The following UVSSA variants were observed in gnomAD, a reference collection of about 807,000 sequenced individuals.
UVSSA encodes UV stimulated scaffold protein A, also known as UV-stimulated scaffold protein A.
Under a neutral mutation model 73.9 loss-of-function variants are expected in UVSSA, and 72 were observed. The ratio of observed to expected loss-of-function variants is 0.97; its 90% CI spans 0.81 to 1.19. The LOEUF (loss-of-function observed/expected upper bound fraction) is 1.19, where lower values mean the gene tolerates loss of function less well. UVSSA is among the 50% of genes most tolerant of loss of function. The probability of loss-of-function intolerance (pLI) is 0.00; values close to 1 mark genes in which losing one functional copy is unlikely to be tolerated. For synonymous variants in UVSSA, 454 were observed against 391.3 expected (o/e 1.16, Z -1.89); for missense variants, 1,150 against 965.0 (o/e 1.19, Z -2.54).
intron 7 of UVSSA, among the ~76,000 whole-genome samples, chr4:1,356,016 C>T (rs1715684309): frequency 1.3e-5 from 2 of 152,158 alleles, no homozygotes; most frequent in Admixed American, 1.3e-4. Flanking sequence ...GCACCCAGCA[C>T]AGTCGGGCCT....
Position 1,353,332 on chromosome 4 carries a change from G to A in UVSSA, c.853G>A (p.Glu285Lys), listed in dbSNP as rs771449409. The change falls in exon 5 of 14, where the codon GAG (glutamate) becomes AAG (lysine). Residue 285 changes from glutamate to lysine, a missense_variant. Coordinates refer to ENST00000389851, the MANE Select transcript of UVSSA (RefSeq NM_020894.4). ...CACAGGTGACCCCTCAGATGAGGAC[G>A]AGGACAGCGACCTCGAGGAGTTTGT... ...TATGDPSDED[E>K]DSDLEEFVRS... is the part of the protein sequence containing the mutation. 1.4e-5 allele frequency: 22 copies of A among 1,611,450 alleles called. 1 individual carries two copies. In the East Asian group the frequency reaches 2.5e-4, roughly 18 times the overall value.
chr4:1,342,405 TTA>T (rs541428870), upstream of UVSSA, among the ~76,000 whole-genome samples: 147 of 152,362 alleles, frequency 9.6e-4, no homozygotes, highest in African/African-American at 3.4e-3. Flanking sequence ...TTAAATTGCA[TTA>T]TCTTACTGAT....
At chr4:1,376,583 G>A (rs1423563561) in intron 10 of UVSSA, among the ~76,000 whole-genome samples, 1 of 152,192 alleles carries the variant, frequency 6.6e-6, no homozygotes, top group Non-Finnish European at 1.5e-5. Context: ...ACCTCAGGCG[G>A]GGGCTCTGCA....
At chr4:1,371,029 T>C (rs923395961) in intron 8 of UVSSA, among the ~76,000 whole-genome samples, 1 of 152,200 alleles carries the variant, frequency 6.6e-6, no homozygotes, top group Non-Finnish European at 1.5e-5. Context: ...CTCCCAGCTC[T>C]TCTCTCCAAA....
At chr4:1,343,768 CAA>C (rs767344654), upstream of UVSSA, among the ~76,000 whole-genome samples, 9 of 151,954 alleles carry the variant, frequency 5.9e-5, no homozygotes, top group Non-Finnish European at 1.2e-4. Context: ...GCCTGGGTGA[CAA>C]GAGTGAAACT....
At chr4:1,360,474 G>A (rs369408578) in intron 7 of UVSSA, among the ~76,000 whole-genome samples, 5 of 152,184 alleles carry the variant, frequency 3.3e-5, no homozygotes, top group East Asian at 1.9e-4. Flanking sequence ...AGCTGAGCCC[G>A]GGAGAAGCTG....
At chr4:1,359,447 A>T (rs1387732306) in intron 7 of UVSSA, 1 of 152,246 alleles carries the variant, frequency 6.6e-6, no homozygotes, top group Non-Finnish European at 1.5e-5. Flanking sequence ...CAAATTACAT[A>T]GCTCAAATCA....
Position 1,349,518 on chromosome 4 carries a change from C to A in UVSSA, c.99-6C>A. 6.2e-7 allele frequency: 1 copy of A among 1,610,774 alleles called. No homozygotes were observed. The highest frequency in any genetic ancestry group is 2.2e-5 in the East Asian group (1 of 44,818). On this transcript the variant is annotated splice_region_variant and splice_polypyrimidine_tract_variant and intron_variant, in intron 2 of 13. Transcript: ENST00000389851. ...GCAGTTGGGTCAGGCCAGCTCGCAT[C>A]CCCAGGTCTTCAGAGGAGCAGCTGA...
At chr4:1,356,452 G>A (rs1715778117) in intron 7 of UVSSA, 1 of 152,270 alleles carries the variant, frequency 6.6e-6, no homozygotes, top group African/African-American at 2.4e-5. Context: ...TTATAGACAT[G>A]TGGGAGCCCA....
intron 10 of UVSSA, among the ~76,000 whole-genome samples, chr4:1,379,452 C>G (rs1342659001): frequency 6.6e-6 from 1 of 152,210 alleles, no homozygotes; most frequent in East Asian, 1.9e-4. Context: ...AGGTTGATGA[C>G]AACAGCAGAG....
At chr4:1,368,853 C>T (rs1208037187) in intron 8 of UVSSA, among the ~76,000 whole-genome samples, 3 of 152,228 alleles carry the variant, frequency 2.0e-5, no homozygotes, top group African/African-American at 4.8e-5. Flanking sequence ...GGTGCACTGG[C>T]GGCTGGTTCT....
At chr4:1,369,766 C>T (rs537322121) in intron 8 of UVSSA, among the ~76,000 whole-genome samples, 1 of 152,244 alleles carries the variant, frequency 6.6e-6, no homozygotes, top group Non-Finnish European at 1.5e-5. Context: ...GTGCTTCAGG[C>T]AAATAGGTGC....
At chr4:1,395,395 C>G (rs759518731) in exon 14 of UVSSA, 5 of 1,560,494 alleles carry the variant, frequency 3.2e-6, no homozygotes, top group Non-Finnish European at 3.5e-6. Context: ...CTCACACGTG[C>G]CCATGTGGAG....
chr4:1,363,768 A>C (rs945365173), intron 7 of UVSSA, among the ~76,000 whole-genome samples: 9 of 152,224 alleles, frequency 5.9e-5, no homozygotes, highest in Admixed American at 3.9e-4. Flanking sequence ...ATTTCCAAAG[A>C]GTATAATTGG....
chr4:1,371,832 C>T (rs1478292646), intron 8 of UVSSA, among the ~76,000 whole-genome samples: 1 of 152,198 alleles, frequency 6.6e-6, no homozygotes, highest in Non-Finnish European at 1.5e-5. Flanking sequence ...CAGACCATAT[C>T]AGATAGGAAA....
In UVSSA at chr4:1,353,192, G is replaced by T. The variant is rs776433683; in HGVS notation, c.713G>T (p.Cys238Phe). ...RSSCAGQVGP[C>F]RSGTPDPRDG... is the part of the protein sequence containing the mutation. ...TCCTGCGCGGGCCAGGTGGGCCCCT[G>T]CCGGTCTGGCACCCCTGACCCCCGG... The change falls in exon 5 of 14, where the codon TGC (cysteine) becomes TTC (phenylalanine). Residue 238 changes from cysteine to phenylalanine, a missense_variant. Physicochemically the swap from Cys to Phe is radical, Grantham distance 205. Coordinates refer to ENST00000389851, the MANE Select transcript of UVSSA (RefSeq NM_020894.4). The T allele has an allele frequency of 6.2e-7, 1 of 1,612,804 alleles. No homozygotes were observed. The highest frequency in any genetic ancestry group is 1.7e-5 in the Admixed American group (1 of 60,010).
At chr4:1,357,160 A>C in intron 7 of UVSSA, among the ~76,000 whole-genome samples, 1 of 141,394 alleles carries the variant, frequency 7.1e-6, no homozygotes, top group Non-Finnish European at 1.5e-5. Flanking sequence ...GTTATTGGTG[A>C]GGGTCCATAG....
chr4:1,376,350 G>A (rs957046808), intron 10 of UVSSA, among the ~76,000 whole-genome samples, 182 bp downstream of exon 10: 10 of 152,204 alleles, frequency 6.6e-5, no homozygotes, highest in Non-Finnish European at 8.8e-5. Context: ...GATCCGGCTC[G>A]TGGAGCCCAG....
At chr4:1,377,924 G>T (rs1718974247) in intron 10 of UVSSA, among the ~76,000 whole-genome samples, 1 of 152,232 alleles carries the variant, frequency 6.6e-6, no homozygotes, top group African/African-American at 2.4e-5. Flanking sequence ...CAGCTGCGTG[G>T]ATGGGGGTAC....
Sources: gnomAD v4.1 joint callset for allele counts (sites outside exome capture counted in the v4.1 genomes callset) on GRCh38, gnomAD v4.1.1 for gene constraint, MANE v1.5 for transcripts, NCBI Gene and HGNC (gene_info 2026-07-23, HGNC 2026-07-21) for gene names.